The following PSIP1 variants were observed in gnomAD, a reference collection of about 807,000 sequenced individuals.
PSIP1 encodes PC4 and SFRS1-interacting protein.
A neutral mutation model predicts 74.7 loss-of-function variants in PSIP1; 19 were observed. That is an observed-to-expected ratio of 0.25 (90% CI 0.18 to 0.37). The LOEUF (loss-of-function observed/expected upper bound fraction) is 0.37, where lower values mean the gene tolerates loss of function less well. Among genes scored for constraint, PSIP1 ranks in the 10% least tolerant of loss-of-function variants. PSIP1 has a pLI of 1.00. For synonymous variants in PSIP1, 222 were observed against 195.3 expected (o/e 1.14, Z -1.14); for missense variants, 601 against 614.3 (o/e 0.98, Z 0.23).
chr9:15,498,157 C>A (rs958026879), intron 3 of PSIP1, among the ~76,000 whole-genome samples: 1 of 152,042 alleles, frequency 6.6e-6, no homozygotes. Context: ...CATTTGTAAC[C>A]CCAGCCCCAG....
Position 15,510,161 on chromosome 9 carries a change from G to A in PSIP1, c.28C>T (p.Leu10Phe). ...TAACCTTTCATCTTGGCGAAGATGA[G>A]GTCTCCAGGTTTGAAATCGCGAGTC... MTRDFKPGD[L>F]IFAKMKGYPH... The change falls in exon 2 of 16, where the codon CTC (leucine) becomes TTC (phenylalanine). Residue 10 changes from leucine (L) to phenylalanine (F), a missense_variant. Physicochemically the swap from Leu to Phe is conservative, Grantham distance 22 (BLOSUM62 0). Coordinates refer to ENST00000380733, the MANE Select transcript of PSIP1 (RefSeq NM_033222.5). 6.2e-7 allele frequency: 1 copy of A among 1,607,852 alleles called. No homozygotes were observed. Among genetic ancestry groups the A allele is most frequent in the Non-Finnish European group, 8.5e-7 (1 of 1,177,208 alleles).
At chr9:15,510,047 G>A in intron 2 of PSIP1, 70 bp downstream of exon 2, 1 of 1,426,382 alleles carries the variant, frequency 7.0e-7, no homozygotes, top group Non-Finnish European at 9.7e-7. Flanking sequence ...AAAATAAAGA[G>A]ACACGGTGGG....
intron 2 of PSIP1, among the ~76,000 whole-genome samples, chr9:15,509,514 G>C (rs1586876986): frequency 6.6e-6 from 1 of 152,116 alleles, no homozygotes; most frequent in African/African-American, 2.4e-5. Flanking sequence ...ACTTCTTCAA[G>C]GTCATAAACA....
chr9:15,485,930 G>T lies in PSIP1; in HGVS notation c.456+76C>A, dbSNP rs890652798. 3.9e-6 allele frequency: 5 copies of T among 1,277,492 alleles called. No individual in the cohort carries two copies. In the African/African-American group the frequency reaches 6.1e-5, roughly 15 times the overall value. The allele number at this position is 1,277,492 out of a possible 1,614,324, so 79.1% of individuals were successfully genotyped here. A position where few individuals can be genotyped will look rare whatever the true frequency, so the allele number is the denominator to read the frequency against. ...AAAAGCTGAAATTTAAGGTTTCATT[G>T]TATCTACTCTCCCTCAACCCAATTA... On this transcript the variant is annotated intron_variant, in intron 6 of 15. Coordinates refer to ENST00000380733, the MANE Select transcript of PSIP1 (RefSeq NM_033222.5).
At chr9:15,465,837 A>C in intron 15 of PSIP1, 2 of 376,264 alleles carry the variant, frequency 5.3e-6, no homozygotes, top group Non-Finnish European at 9.4e-6. Flanking sequence ...TCATGGACCA[A>C]GCCCTTTCCA....
chr9:15,499,886 A>AG (rs1018654712), intron 3 of PSIP1, among the ~76,000 whole-genome samples: 186 of 152,026 alleles, frequency 1.2e-3, no homozygotes, highest in Non-Finnish European at 1.8e-3. Context: ...AAAAAAAAAA[A>AG]AAAAACCGAA....
At chr9:15,506,742 GGGCCAGTTCTGCA>G (rs1481249459) in intron 2 of PSIP1, 105 bp from the exon 3 acceptor site, 102 of 850,256 alleles carry the variant, frequency 1.2e-4, no homozygotes, top group Middle Eastern at 3.7e-4. Context: ...GTTATAAAAT[GGGCCAGTTCTGCA>G]GGCCCATAAT....
intron 14 of PSIP1, 58 bp downstream of exon 14, chr9:15,468,572 G>C (rs2035726565): frequency 6.5e-7 from 1 of 1,540,764 alleles, no homozygotes; most frequent in Non-Finnish European, 9.0e-7. Context: ...ATTTTTAAAA[G>C]CAGTCCTGGC....
chr9:15,504,729 T>C (rs1366631529), intron 3 of PSIP1, among the ~76,000 whole-genome samples: 1 of 147,508 alleles, frequency 6.8e-6, no homozygotes, highest in Non-Finnish European at 1.5e-5. Context: ...AGAGCTAGAC[T>C]CGGTCTCAAA....
rs2035510645 is a variant in PSIP1, at chr9:15,464,947, G to A, written c.*573C>T. On this transcript the variant is annotated 3_prime_UTR_variant, in exon 16 of 16. Transcript: ENST00000380733. ...GTCATACCAAAAAAAACCATACAGAGCACACATTGTTCCAAAGAAGCTGGA... is the reference window on the plus strand; with the variant it reads ...GTCATACCAAAAAAAACCATACAGAACACACATTGTTCCAAAGAAGCTGGA... 1 of 215,576 alleles carries A rather than the reference G, an allele frequency of 4.6e-6. No individual in the cohort carries two copies. The highest frequency in any genetic ancestry group is 9.4e-6 in the Non-Finnish European group (1 of 106,856). 13.4% of individuals were successfully genotyped at this position (215,576 alleles called of 1,614,324 possible).
At chr9:15,497,491 T>C (rs1230079738) in intron 3 of PSIP1, among the ~76,000 whole-genome samples, 2 of 152,104 alleles carry the variant, frequency 1.3e-5, no homozygotes, top group African/African-American at 2.4e-5. Flanking sequence ...CACGCCTGGC[T>C]ACTTTTTATA....
chr9:15,501,331 G>A (rs918915003), intron 3 of PSIP1, among the ~76,000 whole-genome samples: 21 of 151,366 alleles, frequency 1.4e-4, no homozygotes, highest in African/African-American at 4.1e-4. Flanking sequence ...AGTTAATGAT[G>A]ACAAGATAGA....
At chr9:15,491,449 T>C (rs1439736626) in intron 3 of PSIP1, among the ~76,000 whole-genome samples, 1 of 152,244 alleles carries the variant, frequency 6.6e-6, no homozygotes. Flanking sequence ...GAATGACCTG[T>C]ACAACAAGTA....
In PSIP1 at chr9:15,506,626, A is replaced by C; in HGVS notation, c.84T>G (p.Val28=). The C allele has an allele frequency of 6.2e-7, 1 of 1,610,630 alleles. No homozygotes were observed. Among genetic ancestry groups the C allele is most frequent in the Non-Finnish European group, 8.5e-7 (1 of 1,177,140 alleles). ...YPHWPARVDE[V]PDGAVKPPTN... Reference sequence around the variant, plus strand: ...TGGGTGGCTTTACAGCTCCATCAGGAACTTCGTCTACCTAAAAGAAAAGTG... The same window carrying C: ...TGGGTGGCTTTACAGCTCCATCAGGCACTTCGTCTACCTAAAAGAAAAGTG... The change falls in exon 3 of 16, where the codon GTT becomes GTG. Residue 28 remains valine (V), a synonymous_variant. Coordinates refer to ENST00000380733, the MANE Select transcript of PSIP1 (RefSeq NM_033222.5).
Position 15,501,859 on chromosome 9 carries a change from AT to A in PSIP1, c.149+4701del, listed in dbSNP as rs1269699580. 1.4e-4 allele frequency among the ~76,000 whole-genome samples: 21 copies of A among 147,884 alleles called. 1 individual carries two copies. The East Asian group carries it at 3.0e-3, about 21-fold the overall frequency. ...AAACAGCATATATATATATATATAT[AT>A]ATATATAAAACGCACACCCTCCCAT... On this transcript the variant is annotated intron_variant, in intron 3 of 15. Transcript: ENST00000380733.
In PSIP1 at chr9:15,486,817, T is replaced by C. The variant is rs77877475; in HGVS notation, c.393+10A>G. The C allele has an allele frequency of 2.7e-4, 421 of 1,570,690 alleles. 1 individual carries two copies. In the African/African-American group the frequency reaches 4.8e-3, roughly 18 times the overall value. On this transcript the variant is annotated intron_variant, in intron 5 of 15. Transcript: ENST00000380733. Reference sequence around the variant, plus strand: ...AATGGGTTTAAAATGTTAGGAGAAATAGAACATACCTCATTGCTGGCTTTT... The same window carrying C: ...AATGGGTTTAAAATGTTAGGAGAAACAGAACATACCTCATTGCTGGCTTTT...
At chr9:15,491,508 A>T (rs951619912) in intron 3 of PSIP1, among the ~76,000 whole-genome samples, 15 of 152,240 alleles carry the variant, frequency 9.9e-5, no homozygotes, top group African/African-American at 3.6e-4. Flanking sequence ...TACATTCGCA[A>T]ATATGGAATC....
At position 15,472,691 on chromosome 9, in the gene PSIP1, T is replaced by C. The variant is rs144337968; in HGVS notation, c.918A>G (p.Gln306=). 2 of 1,609,810 alleles carry C rather than the reference T, an allele frequency of 1.2e-6. No homozygotes were observed. Among genetic ancestry groups the C allele is most frequent in the Non-Finnish European group, 1.7e-6 (2 of 1,179,040 alleles). Residue 306 remains glutamine, a synonymous_variant, in exon 10 of 16, where the codon CAA becomes CAG. Transcript: ENST00000380733. The part of the protein sequence containing the change: ...TAHRRNMLKG[Q]HEKEAADRKR... ...TTCGATCTGCTGCTTCTTTCTCATG[T>C]TGGCCTTTCAGCATATTCCTTCTGT...
Position 15,479,706 on chromosome 9 carries a change from A to G in PSIP1, c.457-19T>C. 6.2e-7 allele frequency: 1 copy of G among 1,600,282 alleles called. No individual in the cohort carries two copies. The highest frequency in any genetic ancestry group is 8.5e-7 in the Non-Finnish European group (1 of 1,170,050). On this transcript the variant is annotated intron_variant, in intron 6 of 15. Transcript: ENST00000380733. ...TTTCTGCCTGAATTACAAAAATTTAATTAACTTATTTAGCAAATAGTAGGC... is the reference window on the plus strand; with the variant it reads ...TTTCTGCCTGAATTACAAAAATTTAGTTAACTTATTTAGCAAATAGTAGGC...
Sources: allele counts gnomAD v4.1 joint callset (sites outside exome capture counted in the v4.1 genomes callset), GRCh38; gene constraint gnomAD v4.1.1; transcripts MANE v1.5; gene names NCBI Gene and HGNC (gene_info 2026-07-23, HGNC 2026-07-21).